FAAH2: variants seen among roughly 807,000 people sequenced by gnomAD.
FAAH2 encodes fatty-acid amide hydrolase 2.
Under a neutral mutation model 36.9 loss-of-function variants are expected in FAAH2, and 60 were observed. The observed-to-expected ratio is 1.63, with a 90% CI of 1.32 to 2.02. FAAH2 has a LOEUF of 2.02. Ranked by LOEUF, FAAH2 falls within the 30% of genes most tolerant of loss-of-function variation. FAAH2 has a pLI of 0.00. For synonymous variants in FAAH2, 214 were observed against 143.8 expected (o/e 1.49, Z -3.49); for missense variants, 689 against 397.5 (o/e 1.73, Z -6.23).
intron 5 of FAAH2, among the ~76,000 whole-genome samples, chrX:57,352,518 G>A (rs902803977): frequency 4.5e-5 from 5 of 110,054 alleles, no homozygotes; most frequent in Admixed American, 9.8e-5. Flanking sequence ...TACTAACTGG[G>A]GAAATGCTGA....
At chrX:57,257,880 C>T in the FAAH2 span, among the ~76,000 whole-genome samples, 1 of 111,010 alleles carries the variant, frequency 9.0e-6, no homozygotes, top group East Asian at 2.8e-4. Flanking sequence ...ATCAATATTG[C>T]CAAAGTGTCC....
intron 5 of FAAH2, among the ~76,000 whole-genome samples, chrX:57,376,237 A>G (rs1435876736): frequency 9.1e-6 from 1 of 110,332 alleles, no homozygotes; most frequent in Non-Finnish European, 1.9e-5. Flanking sequence ...GTGTTCATCG[A>G]TATTATTAAT....
intron 1 of FAAH2, 79 bp from the exon 2 acceptor site, chrX:57,292,419 A>G (rs1327121120): frequency 4.5e-6 from 4 of 889,219 alleles, no homozygotes; most frequent in Non-Finnish European, 6.5e-6. Flanking sequence ...TAATGTACAT[A>G]GGAGTCTTTC....
intron 2 of FAAH2, among the ~76,000 whole-genome samples, chrX:57,307,959 T>A (rs1347434017): frequency 9.1e-6 from 1 of 110,252 alleles, no homozygotes; most frequent in Non-Finnish European, 1.9e-5. Flanking sequence ...TCCATGTTGC[T>A]GCAAAGGACA....
At chrX:57,248,709 C>T in the FAAH2 span, among the ~76,000 whole-genome samples, 2 of 94,409 alleles carry the variant, frequency 2.1e-5, no homozygotes, top group Non-Finnish European at 4.1e-5. Context: ...GCCAAGATCA[C>T]GCCATTGCAC....
At chrX:57,478,192 G>A (rs1197321694) in intron 10 of FAAH2, among the ~76,000 whole-genome samples, 5 of 112,010 alleles carry the variant, frequency 4.5e-5, no homozygotes, top group Non-Finnish European at 7.5e-5. Flanking sequence ...GAACTGGTAT[G>A]AGATGGTATC....
intron 7 of FAAH2, among the ~76,000 whole-genome samples, chrX:57,419,438 T>G (rs2055944895): frequency 8.9e-6 from 1 of 112,122 alleles, no homozygotes; most frequent in African/African-American, 3.2e-5. Context: ...TATCTCATTG[T>G]GGTTTTGATT....
chrX:57,142,640 T>C, the FAAH2 span, among the ~76,000 whole-genome samples: 1 of 111,559 alleles, frequency 9.0e-6, no homozygotes, highest in Non-Finnish European at 1.9e-5. Context: ...TGGTGCAGAT[T>C]AAGTCTGATA....
chrX:57,277,319 A>G, the FAAH2 span, among the ~76,000 whole-genome samples: 2 of 112,252 alleles, frequency 1.8e-5, no homozygotes, highest in Admixed American at 9.5e-5. Context: ...GACCAATGAG[A>G]AAAACCACAT....
chrX:57,209,849 C>T, the FAAH2 span, among the ~76,000 whole-genome samples: 6 of 111,120 alleles, frequency 5.4e-5, no homozygotes, highest in Admixed American at 9.6e-5. Context: ...CTTTTGGGAA[C>T]TCAGGTTTGA....
the FAAH2 span, among the ~76,000 whole-genome samples, chrX:57,151,931 T>C: frequency 9.0e-6 from 1 of 111,192 alleles, no homozygotes; most frequent in South Asian, 3.8e-4. Flanking sequence ...TACAGATGGG[T>C]TTTTGGTGGG....
intron 5 of FAAH2, among the ~76,000 whole-genome samples, chrX:57,364,585 C>CT (rs2054367575): frequency 9.5e-6 from 1 of 104,974 alleles, no homozygotes; most frequent in Non-Finnish European, 2.0e-5. Flanking sequence ...TTAGTTATTT[C>CT]TTTTTAAATA....
chrX:57,122,365 A>T, the FAAH2 span, among the ~76,000 whole-genome samples: 22 of 111,725 alleles, frequency 2.0e-4, no homozygotes, highest in African/African-American at 6.8e-4. Flanking sequence ...GGTCCGTAAA[A>T]CTCAATTTTA....
chrX:57,432,333 T>C (rs1376187034), intron 8 of FAAH2, among the ~76,000 whole-genome samples: 2 of 110,694 alleles, frequency 1.8e-5, no homozygotes, highest in African/African-American at 3.3e-5. Context: ...AGAGAAGAGA[T>C]AAAGATTATG....
At chrX:57,269,976 T>C in the FAAH2 span, among the ~76,000 whole-genome samples, 2 of 110,645 alleles carry the variant, frequency 1.8e-5, no homozygotes, top group African/African-American at 6.6e-5. Flanking sequence ...GAATTCTAGA[T>C]AGACTAATGA....
the FAAH2 span, among the ~76,000 whole-genome samples, chrX:57,273,828 C>A: frequency 9.0e-6 from 1 of 111,246 alleles, no homozygotes; most frequent in African/African-American, 3.3e-5. Context: ...AAAATTGATG[C>A]CCTAACATCA....
intron 10 of FAAH2, among the ~76,000 whole-genome samples, chrX:57,470,653 A>T (rs1483424290): frequency 1.8e-5 from 2 of 111,493 alleles, no homozygotes; most frequent in African/African-American, 6.5e-5. Context: ...CTCGCAGCCA[A>T]ATTCTACCAG....
At chrX:57,465,929 G>T (rs776277266) in intron 10 of FAAH2, among the ~76,000 whole-genome samples, 1 of 109,585 alleles carries the variant, frequency 9.1e-6, no homozygotes. Context: ...AAGCTATATT[G>T]TAACAAGAAA....
intron 10 of FAAH2, among the ~76,000 whole-genome samples, chrX:57,470,669 C>A (rs997594721): frequency 9.0e-6 from 1 of 111,276 alleles, no homozygotes; most frequent in Non-Finnish European, 1.9e-5. Context: ...ACCAGAGGTA[C>A]AAGGAGGAGC....
Sources: gnomAD v4.1 joint callset for allele counts (sites outside exome capture counted in the v4.1 genomes callset) on GRCh38, gnomAD v4.1.1 for gene constraint, MANE v1.5 for transcripts, NCBI Gene and HGNC (gene_info 2026-07-23, HGNC 2026-07-21) for gene names.